Variants in FOCAD observed in about 807,000 individuals in gnomAD.
FOCAD encodes the protein focadhesin, also known as KIAA1797.
A neutral mutation model predicts 225.6 loss-of-function variants in FOCAD; 198 were observed. The ratio of observed to expected loss-of-function variants is 0.88; its 90% confidence interval spans 0.78 to 0.99. The LOEUF (loss-of-function observed/expected upper bound fraction) is 0.99. Ranked by LOEUF, FOCAD falls within the 50% of genes least tolerant of loss-of-function variation. The pLI, the probability that FOCAD is intolerant of heterozygous loss-of-function variation, is 0.00. For synonymous variants in FOCAD, 897 were observed against 755.0 expected (o/e 1.19, Z -3.08); for missense variants, 2,713 against 2,123.6 (o/e 1.28, Z -5.46).
chr9:20,817,597 T>G (rs1823860427), intron 11 of FOCAD, among the ~76,000 whole-genome samples: 2 of 152,030 alleles, frequency 1.3e-5, no homozygotes, highest in Admixed American at 1.3e-4. Context: ...TTGATGGGCA[T>G]TGGGTTGTTC....
intron 4 of FOCAD, among the ~76,000 whole-genome samples, chr9:20,736,693 G>C (rs1330628680): frequency 2.0e-5 from 3 of 151,972 alleles, no homozygotes; most frequent in Admixed American, 6.6e-5. Context: ...AATTATCCCA[G>C]CTTTTTGAAA....
At chr9:20,848,772 T>C (rs1427812458) in intron 15 of FOCAD, among the ~76,000 whole-genome samples, 1 of 152,020 alleles carries the variant, frequency 6.6e-6, no homozygotes, top group Admixed American at 6.6e-5. Flanking sequence ...CTATGTCATG[T>C]TGATAATCCA....
intron 2 of FOCAD, among the ~76,000 whole-genome samples, chr9:20,672,905 A>T (rs1407517661): frequency 4.6e-5 from 7 of 152,248 alleles, no homozygotes; most frequent in Non-Finnish European, 8.8e-5. Flanking sequence ...AGTTGCTTTT[A>T]TTTAAATAAA....
intron 1 of FOCAD, among the ~76,000 whole-genome samples, chr9:20,710,502 C>T (rs1463894074): frequency 6.6e-6 from 1 of 151,574 alleles, no homozygotes; most frequent in Non-Finnish European, 1.5e-5. Flanking sequence ...GAGGCTGAGG[C>T]AGGAGAATTG....
intron 39 of FOCAD, 139 bp downstream of exon 39, chr9:20,982,585 C>T: frequency 1.5e-6 from 1 of 670,800 alleles, no homozygotes; most frequent in Non-Finnish European, 2.6e-6. Flanking sequence ...ATTTCATTTA[C>T]ATTGTTGAGC....
At chr9:20,880,441 T>C (rs993473996) in intron 19 of FOCAD, among the ~76,000 whole-genome samples, 3 of 152,196 alleles carry the variant, frequency 2.0e-5, no homozygotes, top group African/African-American at 7.2e-5. Context: ...TTCACTGTTT[T>C]CACCCTTTGA....
chr9:20,903,001 A>G (rs1287226586), intron 21 of FOCAD, among the ~76,000 whole-genome samples: 1 of 151,950 alleles, frequency 6.6e-6, no homozygotes, highest in African/African-American at 2.4e-5. Flanking sequence ...GTATAATATG[A>G]ATACACTAGA....
chr9:20,668,230 G>A (rs151267216), intron 2 of FOCAD, among the ~76,000 whole-genome samples: 76 of 151,946 alleles, frequency 5.0e-4, no homozygotes, highest in Middle Eastern at 3.4e-3. Context: ...TACTTTTAAC[G>A]TTTAATCATA....
chr9:20,660,159 G>C (rs1415765108), intron 2 of FOCAD, among the ~76,000 whole-genome samples: 1 of 152,164 alleles, frequency 6.6e-6, no homozygotes, highest in Admixed American at 6.5e-5. Flanking sequence ...AGATAAGAGA[G>C]GCTACAGACA....
rs574299772 is a variant in FOCAD at position 20,767,352 on chromosome 9, G to A, written c.699+2279G>A. 1.5e-4 allele frequency among the ~76,000 whole-genome samples: 20 copies of A among 134,966 alleles called. No individual in the cohort carries two copies. The East Asian group carries it at 2.9e-3, about 20-fold the overall frequency. The allele number at this position is 134,966 out of a possible 152,430, so 88.5% of individuals were successfully genotyped here. ...TGGGTATATACCCAGTAATGGGATA[G>A]CTGGGTCAAATGGTATTTCTAGTTC... On this transcript the variant is annotated intron_variant, in intron 7 of 43. Transcript: ENST00000338382.
At chr9:20,832,224 T>C (rs1825568115) in intron 15 of FOCAD, among the ~76,000 whole-genome samples, 1 of 152,010 alleles carries the variant, frequency 6.6e-6, no homozygotes, top group African/African-American at 2.4e-5. Context: ...CTGGATCATA[T>C]GATAATTCTA....
At chr9:20,709,466 T>C (rs890032518) in intron 1 of FOCAD, among the ~76,000 whole-genome samples, 6 of 143,660 alleles carry the variant, frequency 4.2e-5, no homozygotes, top group Non-Finnish European at 9.0e-5. Context: ...CGTAGACTGC[T>C]CTCCAGACTG....
At chr9:20,984,131 T>G (rs1840950365) in intron 39 of FOCAD, among the ~76,000 whole-genome samples, 1 of 152,188 alleles carries the variant, frequency 6.6e-6, no homozygotes, top group African/African-American at 2.4e-5. Context: ...CTGAAAAGAA[T>G]AGAGGTAGAG....
intron 11 of FOCAD, among the ~76,000 whole-genome samples, chr9:20,808,367 A>G (rs1822689309): frequency 6.6e-6 from 1 of 152,220 alleles, no homozygotes; most frequent in Non-Finnish European, 1.5e-5. Flanking sequence ...GAATAGGGGC[A>G]GGTTTGCCAC....
At chr9:20,819,579 C>T (rs1232071241) in intron 11 of FOCAD, among the ~76,000 whole-genome samples, 1 of 152,008 alleles carries the variant, frequency 6.6e-6, no homozygotes, top group Non-Finnish European at 1.5e-5. Context: ...TCAATAAAAG[C>T]ACTTTTCGAT....
At position 20,771,776 on chromosome 9, in the gene FOCAD, A is replaced by G. The variant is rs558426609; in HGVS notation, c.906+1538A>G. Among the ~76,000 whole-genome samples the G allele has an allele frequency of 2.0e-5, 3 of 152,306 alleles. No individual in the cohort carries two copies. In the East Asian group the frequency reaches 5.8e-4, roughly 29 times the overall value. ...TCTCAAAATACATAAATAAACAAATAAAATTATTTCTCAAAGTTCTGAAGG... is the reference window on the plus strand; with the variant it reads ...TCTCAAAATACATAAATAAACAAATGAAATTATTTCTCAAAGTTCTGAAGG... On this transcript the variant is annotated intron_variant, in intron 8 of 43. Transcript: ENST00000338382.
chr9:20,932,283 C>T (rs761365530), intron 27 of FOCAD, among the ~76,000 whole-genome samples: 3 of 152,106 alleles, frequency 2.0e-5, no homozygotes, highest in Non-Finnish European at 2.9e-5. Context: ...TGCTCTCTGC[C>T]TGGTTGTCAT....
intron 15 of FOCAD, among the ~76,000 whole-genome samples, chr9:20,831,775 T>G (rs1242941913): frequency 6.6e-6 from 1 of 152,080 alleles, no homozygotes; most frequent in African/African-American, 2.4e-5. Context: ...GAATAGAGTT[T>G]TGAAAAGCTT....
chr9:20,915,798 G>A (rs1281096188), intron 23 of FOCAD, among the ~76,000 whole-genome samples: 1 of 151,998 alleles, frequency 6.6e-6, no homozygotes, highest in Non-Finnish European at 1.5e-5. Flanking sequence ...AGAGAGGAGG[G>A]AGTAGAGAGG....
Sources: allele counts gnomAD v4.1 joint callset (sites outside exome capture counted in the v4.1 genomes callset), GRCh38; gene constraint gnomAD v4.1.1; transcripts MANE v1.5; gene names NCBI Gene and HGNC (gene_info 2026-07-23, HGNC 2026-07-21).